LEPR: variants seen among roughly 807,000 people sequenced by gnomAD.
LEPR encodes the protein leptin receptor, also known as OB receptor.
A neutral mutation model predicts 114.7 loss-of-function variants in LEPR; 56 were observed. The observed-to-expected ratio is 0.49, with a 90% CI of 0.39 to 0.61. The LOEUF (loss-of-function observed/expected upper bound fraction) is 0.61, where lower values mean the gene tolerates loss of function less well. Among genes scored for constraint, LEPR ranks in the 20% least tolerant of loss-of-function variants. The pLI, the probability that LEPR is intolerant of heterozygous loss-of-function variation, is 0.00. For synonymous variants in LEPR, 443 were observed against 461.4 expected, an observed-to-expected ratio of 0.96 and a Z score of 0.51; for missense variants, 1,202 against 1,352.9, an observed-to-expected ratio of 0.89 and a Z score of 1.75.
At chr1:65,512,943 C>T (rs1336322695) in intron 2 of LEPR, among the ~76,000 whole-genome samples, 3 of 152,196 alleles carry the variant, frequency 2.0e-5, no homozygotes, top group African/African-American at 4.8e-5. Context: ...TTCTTATATG[C>T]GGCAGAGAAC....
chr1:65,580,261 A>G (rs563861257), intron 5 of LEPR, among the ~76,000 whole-genome samples: 1 of 152,332 alleles, frequency 6.6e-6, no homozygotes, highest in South Asian at 2.1e-4. Context: ...GCTGGTCAAT[A>G]TAGGAAGAGC....
intron 2 of LEPR, among the ~76,000 whole-genome samples, chr1:65,504,105 AG>A (rs1300943496): frequency 6.6e-6 from 1 of 152,212 alleles, no homozygotes. Flanking sequence ...TTGAGCAATA[AG>A]ATAAATAAGG....
At chr1:65,548,929 T>C (rs1284678312) in intron 2 of LEPR, among the ~76,000 whole-genome samples, 3 of 152,220 alleles carry the variant, frequency 2.0e-5, no homozygotes, top group Non-Finnish European at 4.4e-5. Flanking sequence ...TTTGGCATGA[T>C]TTTGCAGTGG....
In LEPR at chr1:65,499,310, T is replaced by A. The variant is rs150385186; in HGVS notation, c.-20-66236T>A. ...AGAGAATTCCTGCATTTTCAAAATATTCTTCTTTTTTAAGGGTGTGTGGGG... is the reference window on the plus strand; with the variant it reads ...AGAGAATTCCTGCATTTTCAAAATAATCTTCTTTTTTAAGGGTGTGTGGGG... On this transcript the variant is annotated intron_variant, in intron 2 of 19. Transcript: ENST00000349533. Among the ~76,000 whole-genome samples, 387 of 152,152 alleles carry A rather than the reference T, an allele frequency of 2.5e-3. 3 individuals carry two copies. The highest frequency in any genetic ancestry group is 8.6e-3 in the African/African-American group (358 of 41,532).
chr1:65,426,117 C>T (rs553468200), intron 2 of LEPR, among the ~76,000 whole-genome samples: 4 of 134,020 alleles, frequency 3.0e-5, no homozygotes, highest in Non-Finnish European at 5.9e-5. Flanking sequence ...TCAGGGAGGG[C>T]CTCTCAGAGG....
chr1:65,528,090 G>A (rs1445961987), intron 2 of LEPR, among the ~76,000 whole-genome samples: 2 of 151,380 alleles, frequency 1.3e-5, no homozygotes, highest in African/African-American at 4.9e-5. Flanking sequence ...ACTATTATAG[G>A]AACAAATGGT....
intron 2 of LEPR, among the ~76,000 whole-genome samples, chr1:65,449,262 T>C (rs1418915606): frequency 7.7e-6 from 1 of 129,606 alleles, no homozygotes; most frequent in African/African-American, 4.2e-5. Flanking sequence ...TTATTTATCT[T>C]TTTTTTTTTT....
In LEPR at chr1:65,639,043, G is replaced by A. The variant is rs1658797703; in HGVS notation, c.*2028G>A. Reference sequence around the variant, plus strand: ...TTGCCCCACTCTGAAATTGAAGACTGACCTCTGAGCATGTCCGCTGAGACA... The same window carrying A: ...TTGCCCCACTCTGAAATTGAAGACTAACCTCTGAGCATGTCCGCTGAGACA... On this transcript the variant is annotated 3_prime_UTR_variant, in exon 20 of 20. Transcript: ENST00000349533. The A allele has an allele frequency of 6.6e-6, 1 of 152,182 alleles. No homozygotes were observed. The highest frequency in any genetic ancestry group is 1.5e-5 in the Non-Finnish European group (1 of 68,040). 9.4% of individuals were successfully genotyped at this position (152,182 alleles called of 1,614,324 possible).
intron 6 of LEPR, among the ~76,000 whole-genome samples, chr1:65,595,558 A>G (rs1236707683): frequency 6.6e-6 from 1 of 152,134 alleles, no homozygotes; most frequent in African/African-American, 2.4e-5. Flanking sequence ...TACGTCTCAT[A>G]AAGTAAAACC....
intron 2 of LEPR, among the ~76,000 whole-genome samples, chr1:65,450,242 T>C (rs977921970): frequency 2.3e-5 from 3 of 131,092 alleles, no homozygotes; most frequent in Non-Finnish European, 4.5e-5. Flanking sequence ...AGTCCATAGA[T>C]TTTTTTTTTG....
intron 2 of LEPR, among the ~76,000 whole-genome samples, chr1:65,524,481 A>G (rs892139977): frequency 1.3e-5 from 2 of 152,224 alleles, no homozygotes; most frequent in African/African-American, 2.4e-5. Context: ...CTGAGAGGCG[A>G]TTCCTATGAA....
At chr1:65,434,004 T>C in intron 2 of LEPR, 1 of 985,340 alleles carries the variant, frequency 1.0e-6, no homozygotes, top group Non-Finnish European at 1.2e-6. Context: ...CAATAATGAT[T>C]CATTTCTACT....
At chr1:65,472,646 A>G (rs1028638899) in intron 2 of LEPR, among the ~76,000 whole-genome samples, 5 of 145,728 alleles carry the variant, frequency 3.4e-5, no homozygotes, top group African/African-American at 1.2e-4. Context: ...ACACACACAC[A>G]CATATATTTC....
At position 65,497,752 on chromosome 1, in the gene LEPR, T is replaced by G. The variant is rs540327592; in HGVS notation, c.-20-67794T>G. ...TATTTGCTCTTCTCTCAGGCACAGCTCTTCAAACTTAGTCTTCTCTTTTCT... is the reference window on the plus strand; with the variant it reads ...TATTTGCTCTTCTCTCAGGCACAGCGCTTCAAACTTAGTCTTCTCTTTTCT... On this transcript the variant is annotated intron_variant, in intron 2 of 19. Coordinates refer to ENST00000349533, the MANE Select transcript of LEPR (RefSeq NM_002303.6). Among the ~76,000 whole-genome samples the G allele has an allele frequency of 1.3e-3, 192 of 152,312 alleles. 1 individual carries two copies. Among genetic ancestry groups the G allele is most frequent in the Non-Finnish European group, 2.1e-3 (146 of 68,032 alleles).
intron 2 of LEPR, among the ~76,000 whole-genome samples, chr1:65,449,126 T>C (rs1055506130): frequency 5.9e-5 from 9 of 152,224 alleles, no homozygotes; most frequent in South Asian, 2.1e-4. Flanking sequence ...ACTCCTAACC[T>C]CTAGCGATCC....
In LEPR at chr1:65,636,991, C is replaced by T. The variant is rs747550020; in HGVS notation, c.3474C>T (p.Asn1158=). Residue 1158 remains asparagine (N), a synonymous_variant, in exon 20 of 20, where the codon AAC becomes AAT. Coordinates refer to ENST00000349533, the MANE Select transcript of LEPR (RefSeq NM_002303.6). The part of the protein sequence containing the change: ...CSTQTHKIME[N]KMCDLTV The stretch of plus-strand genomic sequence containing the variant: ...CTCAGACTCATAAGATCATGGAAAA[C>T]AAGATGTGTGACCTAACTGTGTAAT... The T allele has an allele frequency of 6.2e-7, 1 of 1,613,532 alleles. No individual in the cohort carries two copies. The highest frequency in any genetic ancestry group is 8.5e-7 in the Non-Finnish European group (1 of 1,179,900).
chr1:65,483,757 A>T (rs1412711575), intron 2 of LEPR, among the ~76,000 whole-genome samples: 1 of 152,150 alleles, frequency 6.6e-6, no homozygotes, highest in Non-Finnish European at 1.5e-5. Flanking sequence ...CCAGATATCC[A>T]CATGGCTCTG....
chr1:65,479,513 C>T (rs1169610145), intron 2 of LEPR, among the ~76,000 whole-genome samples: 3 of 152,110 alleles, frequency 2.0e-5, no homozygotes, highest in Non-Finnish European at 2.9e-5. Flanking sequence ...AAGCAATTTC[C>T]AAAGCGTATC....
chr1:65,627,937 C>G (rs1351212207), intron 19 of LEPR, among the ~76,000 whole-genome samples: 1 of 152,058 alleles, frequency 6.6e-6, no homozygotes, highest in African/African-American at 2.4e-5. Flanking sequence ...AGACATCTAA[C>G]ATGATTTTCA....
Sources: gnomAD v4.1 joint callset for allele counts (sites outside exome capture counted in the v4.1 genomes callset) on GRCh38, gnomAD v4.1.1 for gene constraint, MANE v1.5 for transcripts, NCBI Gene and HGNC (gene_info 2026-07-23, HGNC 2026-07-21) for gene names.